PTPRJ: variants seen among roughly 807,000 people sequenced by gnomAD.
The protein encoded by PTPRJ is protein tyrosine phosphatase receptor type J.
PTPRJ carries 129 observed loss-of-function variants against 141.3 expected under a neutral mutation model. The observed-to-expected ratio is 0.91, with a 90% CI of 0.79 to 1.06. PTPRJ has a LOEUF of 1.06. PTPRJ is among the 50% of genes least tolerant of loss of function. PTPRJ has a pLI of 0.00. For synonymous variants in PTPRJ, 610 were observed against 640.5 expected (o/e 0.95, Z 0.72); for missense variants, 1,601 against 1,679.7 (o/e 0.95, Z 0.82).
At chr11:48,109,710 T>G (rs936531362) in intron 1 of PTPRJ, among the ~76,000 whole-genome samples, 1 of 144,884 alleles carries the variant, frequency 6.9e-6, no homozygotes, top group Admixed American at 6.8e-5. Context: ...TGTGTCCTTC[T>G]GCTTCAGCTC....
rs1330222480 is a variant in PTPRJ, at chr11:48,111,892, G to C, written c.116-855G>C. On this transcript the variant is annotated intron_variant, in intron 2 of 24. Transcript: ENST00000418331. ...AGCTGGGGAGGAGGCTTTAGGCCTG[G>C]CCCTGAGAAATTACTCCCAGACTAA... Among the ~76,000 whole-genome samples the C allele has an allele frequency of 2.0e-5, 3 of 152,142 alleles. No individual in the cohort carries two copies. In the East Asian group the frequency reaches 5.8e-4, roughly 29 times the overall value.
intron 1 of PTPRJ, among the ~76,000 whole-genome samples, chr11:48,077,147 T>A (rs1487999311): frequency 6.6e-6 from 1 of 152,108 alleles, no homozygotes; most frequent in Admixed American, 6.6e-5. Flanking sequence ...ATTATAGGCA[T>A]GAACCACTGT....
chr11:48,037,549 C>A (rs569819836), intron 1 of PTPRJ, among the ~76,000 whole-genome samples: 1 of 152,284 alleles, frequency 6.6e-6, no homozygotes, highest in African/African-American at 2.4e-5. Flanking sequence ...CGGTGGCTCA[C>A]GCTTGTAATC....
At chr11:48,153,161 T>C (rs531532726) in intron 18 of PTPRJ, among the ~76,000 whole-genome samples, 21 of 152,218 alleles carry the variant, frequency 1.4e-4, no homozygotes, top group Non-Finnish European at 2.9e-5. Context: ...AGATGGGAGC[T>C]GAATCTCAAA....
chr11:47,986,124 G>T (rs1854045444), intron 1 of PTPRJ, among the ~76,000 whole-genome samples: 1 of 152,080 alleles, frequency 6.6e-6, no homozygotes, highest in African/African-American at 2.4e-5. Flanking sequence ...CTTTATTTTG[G>T]GTTCTTTGTG....
intron 1 of PTPRJ, among the ~76,000 whole-genome samples, chr11:47,998,901 A>G (rs1488094084): frequency 6.6e-6 from 1 of 152,186 alleles, no homozygotes; most frequent in Non-Finnish European, 1.5e-5. Context: ...ACAGAGTCTG[A>G]AGTTCAGGAA....
chr11:48,150,464 T>C (rs1376230257), intron 18 of PTPRJ, among the ~76,000 whole-genome samples: 1 of 152,242 alleles, frequency 6.6e-6, no homozygotes, highest in Non-Finnish European at 1.5e-5. Context: ...TGCGTCATAC[T>C]GTCCTGGATG....
Position 48,127,848 on chromosome 11 carries a change from G to C in PTPRJ, c.1162G>C (p.Val388Leu). ...CACAAGCCTGACCCTGATCTGGAAAGTCAGCGATAACGAGTCGTCATCTAA... is the reference window on the plus strand; with the variant it reads ...CACAAGCCTGACCCTGATCTGGAAACTCAGCGATAACGAGTCGTCATCTAA... ...SATSLTLIWK[V>L]SDNESSSNYT... Residue 388 changes from valine (V) to leucine (L), a missense_variant, in exon 7 of 25, where the codon GTC (valine) becomes CTC (leucine). Transcript: ENST00000418331. 1.9e-6 allele frequency: 3 copies of C among 1,614,192 alleles called. No individual in the cohort carries two copies. Among genetic ancestry groups the C allele is most frequent in the Non-Finnish European group, 2.5e-6 (3 of 1,180,030 alleles).
intron 16 of PTPRJ, 193 bp from the exon 17 acceptor site, chr11:48,149,797 G>C (rs1429712053): frequency 1.7e-6 from 1 of 574,812 alleles, no homozygotes; most frequent in African/African-American, 1.9e-5. Flanking sequence ...AAACCAATTA[G>C]TTACAAAGTA....
chr11:48,025,294 C>T (rs1276703226), intron 1 of PTPRJ, among the ~76,000 whole-genome samples: 3 of 152,260 alleles, frequency 2.0e-5, no homozygotes, highest in Middle Eastern at 3.4e-3. Context: ...ATGTTCTACC[C>T]AAAGGGAGCA....
At chr11:48,149,806 T>G in intron 16 of PTPRJ, 184 bp from the exon 17 acceptor site, 1 of 580,908 alleles carries the variant, frequency 1.7e-6, no homozygotes, top group Non-Finnish European at 3.1e-6. Flanking sequence ...AGTTACAAAG[T>G]AGGGTCTAGA....
chr11:48,083,047 A>G (rs1190513831), intron 1 of PTPRJ, among the ~76,000 whole-genome samples: 12 of 152,172 alleles, frequency 7.9e-5, no homozygotes, highest in Non-Finnish European at 1.8e-4. Flanking sequence ...TTGGAAAGCA[A>G]TTCAGCCTCA....
intron 3 of PTPRJ, among the ~76,000 whole-genome samples, chr11:48,120,769 T>C (rs2134338631): frequency 6.6e-6 from 1 of 152,248 alleles, no homozygotes; most frequent in African/African-American, 2.4e-5. Flanking sequence ...GCCAGCATGG[T>C]CAACTTCTGT....
Position 48,163,485 on chromosome 11 carries a change from A to AG in PTPRJ, c.3587dup (p.Gln1197ThrfsTer17), listed in dbSNP as rs1555059672. 6.2e-7 allele frequency: 1 copy of AG among 1,614,032 alleles called. No homozygotes were observed. Among genetic ancestry groups the AG allele is most frequent in the Non-Finnish European group, 8.5e-7 (1 of 1,179,964 alleles). ...CCAGACAAGTGAGAGTCACCCTCTG[A>AG]GACAGTTCCATTTCACCTCCTGGCC... On this transcript the variant is annotated frameshift_variant, in exon 23 of 25. Transcript: ENST00000418331. LOFTEE classifies it high-confidence loss of function.
At position 48,125,072 on chromosome 11, in the gene PTPRJ, G is replaced by C; in HGVS notation, c.979G>C (p.Asp327His). ...CCCATCCTCCGGCCAGCAGTCCCGA[G>C]ACACGGAAGTCCTGCTTGTCGGGTT... ...VDPSSGQQSR[D>H]TEVLLVGLEP... Residue 327 changes from aspartate (D) to histidine (H), a missense_variant, in exon 6 of 25, where the codon GAC becomes CAC. Transcript: ENST00000418331. 2.5e-6 allele frequency: 4 copies of C among 1,614,090 alleles called. No homozygotes were observed. Among genetic ancestry groups the C allele is most frequent in the Non-Finnish European group, 1.7e-6 (2 of 1,180,020 alleles).
intron 1 of PTPRJ, among the ~76,000 whole-genome samples, chr11:48,083,493 TCTC>T (rs1855621013): frequency 6.6e-6 from 1 of 152,238 alleles, no homozygotes; most frequent in Admixed American, 6.5e-5. Context: ...AATTAGCAAA[TCTC>T]AGGCTTGCTG....
At chr11:48,089,026 T>C (rs180795722) in intron 1 of PTPRJ, among the ~76,000 whole-genome samples, 65 of 132,256 alleles carry the variant, frequency 4.9e-4, no homozygotes, top group African/African-American at 1.6e-3. Flanking sequence ...CTCCCATTTT[T>C]CATCCCCGGT....
chr11:48,086,941 G>T (rs914627817), intron 1 of PTPRJ, among the ~76,000 whole-genome samples: 3 of 152,106 alleles, frequency 2.0e-5, no homozygotes, highest in Non-Finnish European at 4.4e-5. Flanking sequence ...GGACAAAAAA[G>T]TTGTATTGGT....
intron 1 of PTPRJ, among the ~76,000 whole-genome samples, chr11:48,034,546 T>C: frequency 6.6e-6 from 1 of 152,212 alleles, no homozygotes; most frequent in South Asian, 2.1e-4. Context: ...AATAAATCAT[T>C]AGAATAGTGC....
Sources: gnomAD v4.1 joint callset for allele counts (sites outside exome capture counted in the v4.1 genomes callset) on GRCh38, gnomAD v4.1.1 for gene constraint, MANE v1.5 for transcripts, NCBI Gene and HGNC (gene_info 2026-07-23, HGNC 2026-07-21) for gene names.